DPP10: variants seen among roughly 807,000 people sequenced by gnomAD.
DPP10 encodes the protein inactive dipeptidyl peptidase 10.
DPP10 carries 33 observed loss-of-function variants against 120.9 expected under a neutral mutation model. The ratio of observed to expected loss-of-function variants is 0.27; its 90% CI spans 0.21 to 0.37. The LOEUF (loss-of-function observed/expected upper bound fraction) is 0.37. Ranked by LOEUF, DPP10 falls within the 10% of genes least tolerant of loss-of-function variation. The pLI is 1.00. For missense variants in DPP10, 816 were observed against 942.8 expected, an observed-to-expected ratio of 0.87 and a Z score of 1.76; for synonymous variants, 337 against 326.1, an observed-to-expected ratio of 1.03 and a Z score of -0.36.
chr2:115,569,743 A>G (rs977891398), intron 5 of DPP10, among the ~76,000 whole-genome samples: 2 of 152,240 alleles, frequency 1.3e-5, no homozygotes, highest in Non-Finnish European at 2.9e-5. Flanking sequence ...TGCATACTGC[A>G]TAACATCTGC....
intron 1 of DPP10, among the ~76,000 whole-genome samples, chr2:114,813,245 A>G (rs765481457): frequency 1.3e-5 from 2 of 152,212 alleles, no homozygotes; most frequent in Non-Finnish European, 2.9e-5. Flanking sequence ...AAATAATCAT[A>G]CACTAAAAAC....
rs182473878 is a variant in DPP10, at chr2:115,532,907, A to G, written c.441+6935A>G. ...GTAATTTTATATATTATCCATATAT[A>G]TTTGGAATTATTGGTCCATTGGAAT... On this transcript the variant is annotated intron_variant, in intron 5 of 25. Transcript: ENST00000410059. 7.4e-3 allele frequency among the ~76,000 whole-genome samples: 1,126 copies of G among 152,082 alleles called. 6 individuals are homozygous for G. The highest frequency in any genetic ancestry group is 0.025 in the African/African-American group (1,032 of 41,546).
At chr2:115,791,524 A>G (rs1328975997) in intron 19 of DPP10, among the ~76,000 whole-genome samples, 168 bp downstream of exon 19, 4 of 152,202 alleles carry the variant, frequency 2.6e-5, no homozygotes, top group East Asian at 1.9e-4. Context: ...TAAATCATGT[A>G]TAAAGATGTG....
At chr2:114,976,575 T>A (rs892251449) in intron 1 of DPP10, among the ~76,000 whole-genome samples, 1 of 152,228 alleles carries the variant, frequency 6.6e-6, no homozygotes, top group African/African-American at 2.4e-5. Context: ...TACTTTCCTT[T>A]TTAAACTGTG....
intron 17 of DPP10, among the ~76,000 whole-genome samples, chr2:115,790,071 ATTTTTT>A (rs70941099): frequency 3.4e-5 from 4 of 118,194 alleles, no homozygotes; most frequent in Non-Finnish European, 3.7e-5. Flanking sequence ...TTAGAAGGCT[ATTTTTT>A]TTTTTTTTTT....
intron 1 of DPP10, among the ~76,000 whole-genome samples, chr2:115,302,476 G>T (rs2061183778): frequency 6.6e-6 from 1 of 151,964 alleles, no homozygotes; most frequent in Admixed American, 6.6e-5. Context: ...AAGTAGCCAG[G>T]TATAGTGGTA....
At chr2:114,866,392 T>C (rs1690238938) in intron 1 of DPP10, among the ~76,000 whole-genome samples, 1 of 152,098 alleles carries the variant, frequency 6.6e-6, no homozygotes, top group African/African-American at 2.4e-5. Flanking sequence ...TAATATACTC[T>C]CTGAAAACTG....
intron 3 of DPP10, among the ~76,000 whole-genome samples, chr2:115,422,310 A>G (rs1318183511): frequency 6.6e-6 from 1 of 152,222 alleles, no homozygotes; most frequent in Non-Finnish European, 1.5e-5. Context: ...CTCCAAGAAT[A>G]CATTTTTAGT....
chr2:115,443,004 A>G (rs2072221521), intron 3 of DPP10, among the ~76,000 whole-genome samples: 1 of 152,120 alleles, frequency 6.6e-6, no homozygotes, highest in African/African-American at 2.4e-5. Context: ...ATATTGCAAA[A>G]CATTTTGCAC....
At chr2:114,503,755 G>T (rs1683400220) in intron 1 of DPP10, among the ~76,000 whole-genome samples, 2 of 152,224 alleles carry the variant, frequency 1.3e-5, no homozygotes, top group South Asian at 4.1e-4. Flanking sequence ...TGTTTGTAAA[G>T]CTTGCTGAGA....
chr2:115,332,448 A>G (rs1020530154), intron 2 of DPP10, among the ~76,000 whole-genome samples: 1 of 151,684 alleles, frequency 6.6e-6, no homozygotes, highest in Non-Finnish European at 1.5e-5. Flanking sequence ...GATCTTAGTT[A>G]TTTCTTGCCG....
At chr2:114,636,967 G>T (rs1291800901) in intron 1 of DPP10, among the ~76,000 whole-genome samples, 1 of 151,932 alleles carries the variant, frequency 6.6e-6, no homozygotes, top group Non-Finnish European at 1.5e-5. Flanking sequence ...TACTTGGAAA[G>T]ATGACTGGAG....
intron 1 of DPP10, among the ~76,000 whole-genome samples, chr2:115,167,606 A>G (rs1320076978): frequency 7.7e-6 from 1 of 129,100 alleles, no homozygotes; most frequent in South Asian, 2.4e-4. Context: ...GACCGTCTCA[A>G]AAAAAAAAAA....
chr2:115,303,042 T>G (rs866748174), intron 1 of DPP10, among the ~76,000 whole-genome samples: 3 of 152,030 alleles, frequency 2.0e-5, no homozygotes, highest in African/African-American at 7.2e-5. Flanking sequence ...TTTCTCCTAA[T>G]ACTAGACAAT....
At chr2:114,720,115 G>A in intron 1 of DPP10, among the ~76,000 whole-genome samples, 1 of 152,114 alleles carries the variant, frequency 6.6e-6, no homozygotes, top group East Asian at 1.9e-4. Context: ...GGGAACTTCG[G>A]AGAACAGCTT....
At chr2:115,622,822 G>GTTCTTTTTTTTTTTTTT (rs2085058256) in intron 5 of DPP10, among the ~76,000 whole-genome samples, 1 of 123,330 alleles carries the variant, frequency 8.1e-6, no homozygotes, top group African/African-American at 2.8e-5. Context: ...ACCCCCATTC[G>GTTCTTTTTTTTTTTTTT]TTTATTCTTT....
chr2:114,740,362 TG>T (rs1481401294), intron 1 of DPP10, among the ~76,000 whole-genome samples: 74 of 62,778 alleles, frequency 1.2e-3, no homozygotes, highest in African/African-American at 4.5e-3. Flanking sequence ...TGTTGTGGGG[TG>T]GGGGGAGGGG....
intron 11 of DPP10, among the ~76,000 whole-genome samples, chr2:115,758,579 T>C (rs1249602576): frequency 6.6e-6 from 1 of 152,122 alleles, no homozygotes; most frequent in East Asian, 1.9e-4. Flanking sequence ...CTGATTTTTT[T>C]TGTAGAAACA....
intron 1 of DPP10, among the ~76,000 whole-genome samples, chr2:115,013,506 C>T (rs1306687135): frequency 6.6e-6 from 1 of 151,928 alleles, no homozygotes; most frequent in African/African-American, 2.4e-5. Flanking sequence ...ATCTTTGTGG[C>T]ATTCTCTGTA....
Sources: gnomAD v4.1 joint callset for allele counts (sites outside exome capture counted in the v4.1 genomes callset) on GRCh38, gnomAD v4.1.1 for gene constraint, MANE v1.5 for transcripts, NCBI Gene and HGNC (gene_info 2026-07-23, HGNC 2026-07-21) for gene names.